The following FNDC3A variants were observed in gnomAD, a reference collection of about 807,000 sequenced individuals.
FNDC3A encodes the protein fibronectin type III domain containing 3A.
In FNDC3A, 32 loss-of-function variants were observed where a neutral mutation model predicts 148.9. The observed-to-expected ratio is 0.21, with a 90% CI of 0.16 to 0.29. The LOEUF is 0.29. Ranked by LOEUF, FNDC3A falls within the 10% of genes least tolerant of loss-of-function variation. The probability of loss-of-function intolerance (pLI) is 1.00; values close to 1 mark genes in which losing one functional copy is unlikely to be tolerated. For missense variants in FNDC3A, 1,191 were observed against 1,452.8 expected (o/e 0.82, Z 2.93); for synonymous variants, 472 against 473.6 (o/e 1.00, Z 0.04).
At chr13:49,132,370 C>T (rs1045069225) in intron 5 of FNDC3A, among the ~76,000 whole-genome samples, 1 of 152,092 alleles carries the variant, frequency 6.6e-6, no homozygotes, top group Non-Finnish European at 1.5e-5. Context: ...AATCCTAAAC[C>T]CTTCCCCTAG....
intron 2 of FNDC3A, among the ~76,000 whole-genome samples, chr13:49,073,723 AAT>A (rs948239795): frequency 4.1e-5 from 6 of 145,122 alleles, no homozygotes; most frequent in Admixed American, 1.4e-4. Context: ...GTGTATATAT[AAT>A]ATATATGTAT....
At chr13:49,159,814 T>G (rs545015430) in intron 8 of FNDC3A, among the ~76,000 whole-genome samples, 13 of 152,210 alleles carry the variant, frequency 8.5e-5, no homozygotes, top group East Asian at 5.8e-4. Context: ...TTATTCAGAG[T>G]TTTTAGCATG....
Position 49,191,023 on chromosome 13 carries a change from A to G in FNDC3A, c.1953A>G (p.Glu651=). Residue 651 remains glutamate, a synonymous_variant, in exon 18 of 26, where the codon GAA becomes GAG. Coordinates refer to ENST00000492622, the MANE Select transcript of FNDC3A (RefSeq NM_001079673.2). ...TGCTTTTGTTTTGGCAGGTCTCTGAATCTTTACTTGTGCAGACTCCAGCTG... is the reference window on the plus strand; with the variant it reads ...TGCTTTTGTTTTGGCAGGTCTCTGAGTCTTTACTTGTGCAGACTCCAGCTG... ...ISDGGQSAVS[E]SLLVQTPAVP... 3.1e-6 allele frequency: 5 copies of G among 1,609,442 alleles called. No homozygotes were observed. Among genetic ancestry groups the G allele is most frequent in the Non-Finnish European group, 4.2e-6 (5 of 1,178,574 alleles).
chr13:48,992,921 A>G (rs1951948269), intron 1 of FNDC3A, among the ~76,000 whole-genome samples: 1 of 152,166 alleles, frequency 6.6e-6, no homozygotes, highest in Non-Finnish European at 1.5e-5. Flanking sequence ...CATTTAACTC[A>G]TTACTCTGCC....
At chr13:49,116,428 T>C (rs1224886797) in intron 4 of FNDC3A, among the ~76,000 whole-genome samples, 1 of 152,202 alleles carries the variant, frequency 6.6e-6, no homozygotes, top group Non-Finnish European at 1.5e-5. Context: ...TGTCCATGAC[T>C]GAAAGAGGCA....
Position 49,085,094 on chromosome 13 carries a change from A to AT in FNDC3A, c.175+9734dup, listed in dbSNP as rs548324856. 1.8e-3 allele frequency among the ~76,000 whole-genome samples: 270 copies of AT among 152,016 alleles called. 1 individual carries two copies. Among genetic ancestry groups the AT allele is most frequent in the African/African-American group, 6.0e-3 (250 of 41,460 alleles). On this transcript the variant is annotated intron_variant, in intron 3 of 25. Coordinates refer to ENST00000492622, the MANE Select transcript of FNDC3A (RefSeq NM_001079673.2). ...GGTATGTCCCAACCAGTTAGTAACC[A>AT]TTTTCTCCCTTTCTGTGCTGTGGGA...
chr13:49,072,382 TA>T (rs142261810), intron 2 of FNDC3A, among the ~76,000 whole-genome samples: 3 of 151,106 alleles, frequency 2.0e-5, no homozygotes, highest in East Asian at 3.9e-4. Flanking sequence ...GTTAAAAAGT[TA>T]AAAAAAAAGA....
chr13:49,177,003 G>A (rs1885063976), intron 13 of FNDC3A, among the ~76,000 whole-genome samples: 1 of 152,134 alleles, frequency 6.6e-6, no homozygotes, highest in South Asian at 2.1e-4. Context: ...TCGCTATGTT[G>A]CCTAGGCTGG....
intron 2 of FNDC3A, among the ~76,000 whole-genome samples, chr13:49,039,980 C>G (rs544062187): frequency 6.6e-6 from 1 of 152,182 alleles, no homozygotes; most frequent in South Asian, 2.1e-4. Flanking sequence ...TCCCAAAGTA[C>G]TGGGATTACA....
intron 2 of FNDC3A, among the ~76,000 whole-genome samples, chr13:49,039,680 CT>C (rs1203444704): frequency 2.0e-5 from 3 of 152,002 alleles, no homozygotes; most frequent in Admixed American, 2.0e-4. Flanking sequence ...TAATCAGTGA[CT>C]TTTCATTATC....
chr13:48,991,628 C>T (rs570519243), intron 1 of FNDC3A, among the ~76,000 whole-genome samples: 214 of 151,442 alleles, frequency 1.4e-3, no homozygotes, highest in African/African-American at 5.0e-3. Flanking sequence ...GTTGAGGCTG[C>T]AGTGAGCTAT....
intron 3 of FNDC3A, among the ~76,000 whole-genome samples, chr13:49,082,215 GT>G: frequency 6.6e-6 from 1 of 152,056 alleles, no homozygotes; most frequent in South Asian, 2.1e-4. Context: ...ATGAAACCCT[GT>G]CTCTATTAAA....
chr13:49,057,586 CA>C (rs1400044088), intron 2 of FNDC3A, among the ~76,000 whole-genome samples: 43 of 151,980 alleles, frequency 2.8e-4, no homozygotes, highest in Non-Finnish European at 5.0e-4. Context: ...TTAGGATATC[CA>C]ATATTCATGT....
At chr13:49,017,245 T>G (rs1872876044) in intron 2 of FNDC3A, among the ~76,000 whole-genome samples, 1 of 152,138 alleles carries the variant, frequency 6.6e-6, no homozygotes, top group South Asian at 2.1e-4. Context: ...CTAAGTCTCT[T>G]TGTAGGTCAC....
intron 3 of FNDC3A, among the ~76,000 whole-genome samples, chr13:49,113,869 A>G (rs1038207038): frequency 1.3e-5 from 2 of 152,174 alleles, no homozygotes; most frequent in African/African-American, 4.8e-5. Context: ...CCTTCTCCAA[A>G]TGCTTCTTTT....
chr13:49,077,017 C>A (rs1333987849), intron 3 of FNDC3A, among the ~76,000 whole-genome samples: 1 of 152,160 alleles, frequency 6.6e-6, no homozygotes, highest in Non-Finnish European at 1.5e-5. Context: ...GTGGGTCACA[C>A]CTGTAATCCC....
chr13:49,002,885 G>C lies in FNDC3A; in HGVS notation c.-39-3267G>C, dbSNP rs369022583. 2.3e-4 allele frequency among the ~76,000 whole-genome samples: 35 copies of C among 152,220 alleles called. 1 individual carries two copies. In the East Asian group the frequency reaches 6.6e-3, roughly 29 times the overall value. On this transcript the variant is annotated intron_variant, in intron 1 of 25. Transcript: ENST00000492622. ...AGTAATGGCTTCTATGAGCCGTCTTGTATCTACCAGGAATCTAATAGCTGG... is the reference window on the plus strand; with the variant it reads ...AGTAATGGCTTCTATGAGCCGTCTTCTATCTACCAGGAATCTAATAGCTGG...
At chr13:49,175,291 T>A in intron 12 of FNDC3A, 76 bp from the exon 13 acceptor site, 10 of 1,038,856 alleles carry the variant, frequency 9.6e-6, no homozygotes, top group Non-Finnish European at 1.3e-5. Flanking sequence ...TCCAAAAAAA[T>A]TACATCTGTC....
At chr13:49,073,730 A>ATGTATATATAATATATG (rs1164771168) in intron 2 of FNDC3A, among the ~76,000 whole-genome samples, 4 of 144,990 alleles carry the variant, frequency 2.8e-5, no homozygotes, top group Admixed American at 1.4e-4. Flanking sequence ...TATAATATAT[A>ATGTATATATAATATATG]TGTATATATA....
Sources: gnomAD v4.1 joint callset for allele counts (sites outside exome capture counted in the v4.1 genomes callset) on GRCh38, gnomAD v4.1.1 for gene constraint, MANE v1.5 for transcripts, NCBI Gene and HGNC (gene_info 2026-07-23, HGNC 2026-07-21) for gene names.